Variants in MRTFA observed in about 807,000 individuals in gnomAD.
MRTFA encodes myocardin related transcription factor A, also known as myocardin-related transcription factor A.
MRTFA carries 20 observed loss-of-function variants against 83.5 expected under a neutral mutation model. The ratio of observed to expected loss-of-function variants is 0.24; its 90% CI spans 0.17 to 0.35. The LOEUF is 0.35. MRTFA is among the 10% of genes least tolerant of loss of function. The pLI is 1.00. For missense variants in MRTFA, 1,200 were observed against 1,224.7 expected (o/e 0.98, Z 0.30); for synonymous variants, 659 against 541.2 (o/e 1.22, Z -3.02).
intron 3 of MRTFA, among the ~76,000 whole-genome samples, chr22:40,510,862 G>A (rs1218312410): frequency 2.0e-5 from 3 of 152,028 alleles, no homozygotes; most frequent in African/African-American, 4.8e-5. Context: ...AAAGACTAAC[G>A]GTTATATGCA....
chr22:40,557,491 C>A (rs1055058103), intron 2 of MRTFA, among the ~76,000 whole-genome samples: 2 of 152,060 alleles, frequency 1.3e-5, no homozygotes, highest in African/African-American at 4.8e-5. Context: ...TGCCAGGTGG[C>A]CAGGCACAGT....
intron 2 of MRTFA, among the ~76,000 whole-genome samples, chr22:40,574,104 C>T (rs749890539): frequency 2.6e-5 from 4 of 152,112 alleles, no homozygotes; most frequent in Non-Finnish European, 5.9e-5. Flanking sequence ...CCTGTGAGTG[C>T]ATGGTGGTAA....
At chr22:40,413,137 CAA>C (rs35119560) in intron 14 of MRTFA, among the ~76,000 whole-genome samples, 5,058 of 27,446 alleles carry the variant, frequency 0.18, 69 homozygotes, top group East Asian at 0.26. Flanking sequence ...CACCCTGTCT[CAA>C]AAAAAAAAAA....
At chr22:40,418,312 G>A (rs2052731927) in intron 12 of MRTFA, 62 bp downstream of exon 12, 3 of 1,574,108 alleles carry the variant, frequency 1.9e-6, no homozygotes, top group South Asian at 1.2e-5. Flanking sequence ...CAAGAGGGCT[G>A]TAGCGAGACG....
chr22:40,431,491 AAC>A lies in MRTFA; in HGVS notation c.364-13_364-12del. The A allele has an allele frequency of 6.2e-7, 1 of 1,613,408 alleles. No homozygotes were observed. Among genetic ancestry groups the A allele is most frequent in the South Asian group, 1.1e-5 (1 of 91,056 alleles). ...GAGATAGTCCTCTGTCTACAGAAAA[AAC>A]ACACCAAGAAACTCTCAAATCCAGG... On this transcript the variant is annotated splice_polypyrimidine_tract_variant and intron_variant, in intron 5 of 14. Coordinates refer to ENST00000355630, the MANE Select transcript of MRTFA (RefSeq NM_020831.6).
rs1049811461 is a variant in MRTFA, at chr22:40,584,475, G to A, written c.-22+10199C>T. ...GTCTCAGGCAGGCGTGGTGGCTTGC[G>A]CCTATAATCCCAGCACTTTGGGAGG... On this transcript the variant is annotated intron_variant, in intron 2 of 14. Coordinates refer to ENST00000355630, the MANE Select transcript of MRTFA (RefSeq NM_020831.6). 4.6e-5 allele frequency among the ~76,000 whole-genome samples: 7 copies of A among 152,182 alleles called. 1 individual carries two copies. The highest frequency in any genetic ancestry group is 2.1e-4 in the South Asian group (1 of 4,832).
At chr22:40,574,570 G>A (rs1360982935) in intron 2 of MRTFA, among the ~76,000 whole-genome samples, 1 of 151,894 alleles carries the variant, frequency 6.6e-6, no homozygotes, top group Non-Finnish European at 1.5e-5. Context: ...GAGTAGCTGG[G>A]AGTACAGGCA....
Position 40,458,350 on chromosome 22 carries a change from A to G in MRTFA, c.307+4871T>C, listed in dbSNP as rs78247867. On this transcript the variant is annotated intron_variant, in intron 4 of 14. Coordinates refer to ENST00000355630, the MANE Select transcript of MRTFA (RefSeq NM_020831.6). ...TAGCACATCAGAAACCAACTTCTGTATCTCACAGTTGAGATGCTATGATCA... is the reference window on the plus strand; with the variant it reads ...TAGCACATCAGAAACCAACTTCTGTGTCTCACAGTTGAGATGCTATGATCA... Among the ~76,000 whole-genome samples the G allele has an allele frequency of 5.6e-3, 859 of 152,344 alleles. 10 individuals are homozygous for G. Among genetic ancestry groups the G allele is most frequent in the African/African-American group, 0.02 (826 of 41,584 alleles).
At chr22:40,547,912 A>G (rs1277416706) in intron 3 of MRTFA, among the ~76,000 whole-genome samples, 1 of 152,004 alleles carries the variant, frequency 6.6e-6, no homozygotes, top group African/African-American at 2.4e-5. Flanking sequence ...AGGCCACATC[A>G]TAAGTACTAT....
At chr22:40,584,337 A>G (rs1421634796) in intron 2 of MRTFA, among the ~76,000 whole-genome samples, 7 of 152,250 alleles carry the variant, frequency 4.6e-5, no homozygotes. Flanking sequence ...CTCCCAAGTC[A>G]GCCTTTCCAT....
At chr22:40,469,928 T>C (rs1459420942) in intron 3 of MRTFA, among the ~76,000 whole-genome samples, 4 of 151,660 alleles carry the variant, frequency 2.6e-5, no homozygotes, top group Admixed American at 6.6e-5. Context: ...ATATTATGTA[T>C]ATAAAGAATA....
chr22:40,574,440 AT>A (rs1556012318), intron 2 of MRTFA, among the ~76,000 whole-genome samples: 26 of 147,670 alleles, frequency 1.8e-4, no homozygotes, highest in African/African-American at 1.7e-4. Context: ...TATTATTATT[AT>A]TTTTTTTTTT....
intron 4 of MRTFA, among the ~76,000 whole-genome samples, chr22:40,446,141 C>T (rs1040440665): frequency 6.6e-6 from 1 of 152,144 alleles, no homozygotes; most frequent in African/African-American, 2.4e-5. Context: ...CCAGATCTGT[C>T]TTTGTAATTA....
At chr22:40,626,801 G>A (rs73169084) in intron 1 of MRTFA, among the ~76,000 whole-genome samples, 12,353 of 151,650 alleles carry the variant, frequency 0.081, 745 homozygotes, top group East Asian at 0.25. Flanking sequence ...GGGGTTCAAG[G>A]TTACAGTGAG....
intron 3 of MRTFA, among the ~76,000 whole-genome samples, chr22:40,534,420 G>T (rs1011850067): frequency 3.3e-5 from 5 of 152,192 alleles, no homozygotes; most frequent in Non-Finnish European, 5.9e-5. Flanking sequence ...TACGGTCTGT[G>T]AATAGACAGT....
intron 3 of MRTFA, among the ~76,000 whole-genome samples, chr22:40,503,377 C>T (rs2054529314): frequency 6.6e-6 from 1 of 152,182 alleles, no homozygotes; most frequent in South Asian, 2.1e-4. Context: ...GCGCAGCTAA[C>T]TTTTGTACTT....
chr22:40,519,528 T>C, intron 3 of MRTFA: 1 of 1,350,726 alleles, frequency 7.4e-7, no homozygotes, highest in Non-Finnish European at 9.8e-7. Flanking sequence ...TCCAACCTCC[T>C]TGTGTCCAAA....
chr22:40,469,615 A>C (rs2147163983), intron 3 of MRTFA, among the ~76,000 whole-genome samples: 1 of 152,360 alleles, frequency 6.6e-6, no homozygotes, highest in South Asian at 2.1e-4. Context: ...TCAACCAAAT[A>C]GAATTAACAA....
At chr22:40,592,472 T>C (rs1214422403) in intron 2 of MRTFA, among the ~76,000 whole-genome samples, 1 of 148,082 alleles carries the variant, frequency 6.8e-6, no homozygotes, top group Admixed American at 6.7e-5. Flanking sequence ...AAAAAAAAAA[T>C]CTGTGGACAT....
Sources: allele counts gnomAD v4.1 joint callset (sites outside exome capture counted in the v4.1 genomes callset), GRCh38; gene constraint gnomAD v4.1.1; transcripts MANE v1.5; gene names NCBI Gene and HGNC (gene_info 2026-07-23, HGNC 2026-07-21).